ACOX1: variants seen among roughly 807,000 people sequenced by gnomAD.
ACOX1 encodes the protein peroxisomal acyl-coenzyme A oxidase 1.
ACOX1 carries 41 observed loss-of-function variants against 75.5 expected under a neutral mutation model. The observed-to-expected ratio is 0.54, with a 90% CI of 0.42 to 0.70. ACOX1 has a LOEUF of 0.70. Among genes scored for constraint, ACOX1 ranks in the 30% least tolerant of loss-of-function variants. The pLI is 0.00. For missense variants in ACOX1, 630 were observed against 837.5 expected (o/e 0.75, Z 3.06); for synonymous variants, 303 against 298.8 (o/e 1.01, Z -0.15).
rs1567885354 is a variant in ACOX1, at chr17:75,967,691, TACATAC to T, written c.270-7322_270-7317del. On this transcript the variant is annotated intron_variant, in intron 2 of 13. Transcript: ENST00000293217. ...ATATACATATATATACGTATATATATACATACATATATATACATATATATATACACA... is the reference window on the plus strand; with the variant it reads ...ATATACATATATATACGTATATATATATATATATACATATATATATACACA... 9.1e-5 allele frequency among the ~76,000 whole-genome samples: 12 copies of T among 131,864 alleles called. No homozygotes were observed. In the East Asian group the frequency reaches 2.5e-3, roughly 27 times the overall value. The allele number at this position is 131,864 out of a possible 152,430, so 86.5% of individuals were successfully genotyped here.
intron 3 of ACOX1, among the ~76,000 whole-genome samples, chr17:75,958,607 G>A (rs2065857668): frequency 6.6e-6 from 1 of 151,636 alleles, no homozygotes; most frequent in African/African-American, 2.4e-5. Flanking sequence ...AGGAGATCGA[G>A]ACCATCCTGG....
chr17:75,947,598 A>T (rs1283295553), intron 13 of ACOX1, among the ~76,000 whole-genome samples: 2 of 152,122 alleles, frequency 1.3e-5, no homozygotes, highest in Non-Finnish European at 2.9e-5. Context: ...ATGAAACACA[A>T]CTAGCCACGA....
chr17:75,958,608 A>G lies in ACOX1; in HGVS notation c.431-1042T>C, dbSNP rs9896732. Among the ~76,000 whole-genome samples the G allele has an allele frequency of 7.5e-5, 11 of 147,648 alleles. 1 individual carries two copies. Among genetic ancestry groups the G allele is most frequent in the African/African-American group, 2.9e-4 (11 of 37,672 alleles). On this transcript the variant is annotated intron_variant, in intron 3 of 13. Transcript: ENST00000293217. ...CGGATCACAAAGTCAGGAGATCGAG[A>G]CCATCCTGGTTAACACGGCGAAACC... is the stretch of plus-strand genomic sequence containing the variant.
intron 6 of ACOX1, among the ~76,000 whole-genome samples, chr17:75,954,246 T>A (rs1598178840): frequency 7.3e-6 from 1 of 137,104 alleles, no homozygotes; most frequent in Non-Finnish European, 1.5e-5. Flanking sequence ...AAATGCTGGG[T>A]GCGGTGGCTC....
In ACOX1 at chr17:75,942,515, T is replaced by C. The variant is rs2065681902; in HGVS notation, c.*4233A>G. On this transcript the variant is annotated 3_prime_UTR_variant, in exon 14 of 14. Transcript: ENST00000293217. ...TTTTAGTCAATTACAGTGTGACTTG[T>C]TCTAATCCTCCAAGAATGGAGTAGT... 1 of 151,854 alleles carries C rather than the reference T, an allele frequency of 6.6e-6. No homozygotes were observed. The highest frequency in any genetic ancestry group is 2.4e-5 in the African/African-American group (1 of 41,322). The allele number at this position is 151,854 out of a possible 1,614,324, so 9.4% of individuals were successfully genotyped here. A position where few individuals can be genotyped will look rare whatever the true frequency, so the allele number is the denominator to read the frequency against.
Position 75,979,040 on chromosome 17 carries a change from C to G in ACOX1, c.34G>C (p.Ala12Pro), listed in dbSNP as rs2144332345. ...NPDLRRERDSASFNPELLTHI... is the reference protein window; with the variant it reads ...NPDLRRERDSPSFNPELLTHI... ...GTAAGCAGCTCCGGGTTGAAGCTGG[C>G]GGAATCCCGCTCCCTGCGCAGGTCC... Residue 12 changes from alanine (A) to proline (P), a missense_variant, in exon 1 of 14, where the codon GCC (alanine) becomes CCC (proline). Physicochemically the swap from Ala to Pro is conservative, Grantham distance 27. Transcript: ENST00000293217. The G allele has an allele frequency of 6.2e-7, 1 of 1,612,372 alleles. No homozygotes were observed.
In ACOX1 at chr17:75,978,877, C is replaced by A; in HGVS notation, c.109+88G>T. On this transcript the variant is annotated intron_variant, in intron 1 of 13. Coordinates refer to ENST00000293217, the MANE Select transcript of ACOX1 (RefSeq NM_004035.7). This position sits in a 1 kb window ranked among gnomAD's most constrained non-coding sequence, Gnocchi z 4.2. ...GCTCCCCTAACGCTGGGCCAGAGGG[C>A]CTAGGCCCCACAGCGCCCCTGACTC... 6.2e-7 allele frequency: 1 copy of A among 1,600,654 alleles called. No individual in the cohort carries two copies. The highest frequency in any genetic ancestry group is 8.5e-7 in the Non-Finnish European group (1 of 1,177,870).
intron 6 of ACOX1, 28 bp downstream of exon 6, chr17:75,955,538 C>G (rs552072487): frequency 6.3e-7 from 1 of 1,589,514 alleles, no homozygotes; most frequent in East Asian, 2.2e-5. Flanking sequence ...TGTTTGATGC[C>G]TCTGCTTTAT....
chr17:75,965,154 G>A (rs371895719), intron 2 of ACOX1, among the ~76,000 whole-genome samples: 8 of 152,054 alleles, frequency 5.3e-5, no homozygotes, highest in Non-Finnish European at 1.2e-4. Context: ...TGGCTAACAC[G>A]GCGAAACCCC....
intron 2 of ACOX1, among the ~76,000 whole-genome samples, chr17:75,966,667 G>C (rs1301724536): frequency 1.3e-5 from 2 of 151,900 alleles, no homozygotes; most frequent in Non-Finnish European, 2.9e-5. Context: ...GCTGGGCGTG[G>C]TGGCAGGCAC....
At position 75,948,388 on chromosome 17, in the gene ACOX1, G is replaced by A. The variant is rs779665452; in HGVS notation, c.1798C>T (p.Arg600Cys). ...TCAACCAAAGCAACAGCATCTGAGC[G>A]AATCAGAGTGAGTAACTCCTTTACA... ...QRVKELLTLI[R>C]SDAVALVDAF... Residue 600 changes from arginine (R) to cysteine (C), a missense_variant, in exon 13 of 14, where the codon CGC becomes TGC. Physicochemically the swap from Arg to Cys is radical, Grantham distance 180. Around this residue, in one of 2 missense-constraint regions of ACOX1, gnomAD observed 240 missense variants for 262.7 expected, o/e 0.91. Transcript: ENST00000293217. 9 of 1,614,000 alleles carry A rather than the reference G, an allele frequency of 5.6e-6. No individual in the cohort carries two copies. The highest frequency in any genetic ancestry group is 2.7e-5 in the African/African-American group (2 of 74,906).
At chr17:75,975,751 G>A (rs1284025036) in intron 2 of ACOX1, among the ~76,000 whole-genome samples, 1 of 151,978 alleles carries the variant, frequency 6.6e-6, no homozygotes, top group Admixed American at 6.6e-5. Context: ...AGACCAGCCT[G>A]GCCAACATGG....
In ACOX1 at chr17:75,950,364, G is replaced by A. The variant is rs2065763477; in HGVS notation, c.1298+410C>T. Among the ~76,000 whole-genome samples, 1 of 152,054 alleles carries A rather than the reference G, an allele frequency of 6.6e-6. No homozygotes were observed. The highest frequency in any genetic ancestry group is 1.5e-5 in the Non-Finnish European group (1 of 68,030). ...AGGTTCAAGCGATTCTTCTGCCTCA[G>A]CCTCCCAAGTAGGCCGGGATTACAG... On this transcript the variant is annotated intron_variant, in intron 9 of 13. Transcript: ENST00000293217. The surrounding 1 kb of genome is among the most constrained non-coding windows in gnomAD (Gnocchi z 4.3).
At chr17:75,974,839 G>T (rs2066030110) in intron 2 of ACOX1, among the ~76,000 whole-genome samples, 1 of 149,350 alleles carries the variant, frequency 6.7e-6, no homozygotes, top group African/African-American at 2.4e-5. Flanking sequence ...GAGACCATCA[G>T]ATCGAGACCA....
intron 8 of ACOX1, 71 bp from the exon 9 acceptor site, chr17:75,951,035 A>G: frequency 6.8e-7 from 1 of 1,470,098 alleles, no homozygotes; most frequent in Non-Finnish European, 9.4e-7. Context: ...GAGAAAACAC[A>G]CCCCTCCTCT....
chr17:75,966,358 G>A (rs1250875745), intron 2 of ACOX1, among the ~76,000 whole-genome samples: 3 of 150,198 alleles, frequency 2.0e-5, no homozygotes, highest in African/African-American at 7.4e-5. Context: ...TCAGGGGGCT[G>A]AGGCAGGAGA....
chr17:75,953,450 C>T lies in ACOX1; in HGVS notation c.944+1G>A. On this transcript the variant is annotated splice_donor_variant, in intron 7 of 13. Transcript: ENST00000293217. LOFTEE classifies it high-confidence loss of function. The stretch of plus-strand genomic sequence containing the variant: ...GAGCCCATCTAGGACCCTATCCTTA[C>T]CCTGGCTTGATTTCAGACTGGTGCC... 1 of 1,613,626 alleles carries T rather than the reference C, an allele frequency of 6.2e-7. No individual in the cohort carries two copies. The highest frequency in any genetic ancestry group is 8.5e-7 in the Non-Finnish European group (1 of 1,179,752).
Position 75,979,041 on chromosome 17 carries a change from G to A in ACOX1, c.33C>T (p.Ser11=). ...TAAGCAGCTCCGGGTTGAAGCTGGCGGAATCCCGCTCCCTGCGCAGGTCCG... is the reference window on the plus strand; with the variant it reads ...TAAGCAGCTCCGGGTTGAAGCTGGCAGAATCCCGCTCCCTGCGCAGGTCCG... MNPDLRRERD[S]ASFNPELLTH... Residue 11 remains serine, a synonymous_variant, in exon 1 of 14, where the codon TCC becomes TCT. Coordinates refer to ENST00000293217, the MANE Select transcript of ACOX1 (RefSeq NM_004035.7). 6.2e-7 allele frequency: 1 copy of A among 1,612,420 alleles called. No homozygotes were observed.
At position 75,946,787 on chromosome 17, in the gene ACOX1, T is replaced by A. The variant is rs374691393; in HGVS notation, c.1944A>T (p.Glu648Asp). 65 of 1,613,826 alleles carry A rather than the reference T, an allele frequency of 4.0e-5. No homozygotes were observed. The highest frequency in any genetic ancestry group is 5.2e-5 in the Non-Finnish European group (61 of 1,179,848). ...NSPLNKAEVH[E>D]SYKHLKSLQS... Reference sequence around the variant, plus strand: ...GCAGTGACTTCAGGTGCTTGTAAGATTCGTGGACCTGTGGGGAAAGGAGAG... The same window carrying A: ...GCAGTGACTTCAGGTGCTTGTAAGAATCGTGGACCTGTGGGGAAAGGAGAG... The change falls in exon 14 of 14, where the codon GAA becomes GAT. Residue 648 changes from glutamate (E) to aspartate (D), a missense_variant. Coordinates refer to ENST00000293217, the MANE Select transcript of ACOX1 (RefSeq NM_004035.7).
Sources: gnomAD v4.1 joint callset for allele counts (sites outside exome capture counted in the v4.1 genomes callset) on GRCh38, gnomAD v4.1.1 for gene constraint, gnomAD v4.1.1 regional missense constraint, Gnocchi (gnomAD v3.1) non-coding constraint, MANE v1.5 for transcripts, NCBI Gene and HGNC (gene_info 2026-07-23, HGNC 2026-07-21) for gene names.